The following COG6 variants were observed in gnomAD, a reference collection of about 807,000 sequenced individuals.
The protein encoded by COG6 is conserved oligomeric Golgi complex subunit 6.
In COG6, 74 loss-of-function variants were observed where a neutral mutation model predicts 88.8. That is an observed-to-expected ratio of 0.83 (90% CI 0.69 to 1.01). The LOEUF is 1.01. COG6 is among the 50% of genes least tolerant of loss of function. The pLI, the probability that COG6 is intolerant of heterozygous loss-of-function variation, is 0.00. For synonymous variants in COG6, 286 were observed against 278.7 expected (o/e 1.03, Z -0.26); for missense variants, 800 against 797.9 (o/e 1.00, Z -0.03).
chr13:39,741,293 T>G (rs1880029650), intron 18 of COG6, among the ~76,000 whole-genome samples: 1 of 151,296 alleles, frequency 6.6e-6, no homozygotes, highest in African/African-American at 2.5e-5. Flanking sequence ...AGAAAGTCGA[T>G]AATAACAAAC....
In COG6 at chr13:39,752,504, T is replaced by TG; in HGVS notation, c.*1411_*1412insG. On this transcript the variant is annotated 3_prime_UTR_variant, in exon 19 of 19. Coordinates refer to ENST00000455146, the MANE Select transcript of COG6 (RefSeq NM_020751.3). ...ATAAAGTATAAATCAAGAGCTTAAA[T>TG]TGTATATAATTTATTTCTACAGAGA... 8.6e-7 allele frequency: 1 copy of TG among 1,159,354 alleles called. No individual in the cohort carries two copies. Among genetic ancestry groups the TG allele is most frequent in the Middle Eastern group, 3.7e-4 (1 of 2,734 alleles). The allele number at this position is 1,159,354 out of a possible 1,614,324, so 71.8% of individuals were successfully genotyped here.
intron 18 of COG6, among the ~76,000 whole-genome samples, chr13:39,730,549 G>A (rs1329596262): frequency 1.3e-5 from 2 of 151,800 alleles, no homozygotes; most frequent in Admixed American, 6.6e-5. Context: ...GTCGAGGCAG[G>A]CAGATCATGA....
Position 39,660,882 on chromosome 13 carries a change from G to A in COG6, c.369+1G>A. The A allele has an allele frequency of 6.4e-7, 1 of 1,570,102 alleles. No homozygotes were observed. Reference sequence around the variant, plus strand: ...TCAAGATATGACAAGTCGCCTACAGGTATTATATAATGGCTAGATTTTGGC... The same window carrying A: ...TCAAGATATGACAAGTCGCCTACAGATATTATATAATGGCTAGATTTTGGC... On this transcript the variant is annotated splice_donor_variant, in intron 3 of 18. Coordinates refer to ENST00000455146, the MANE Select transcript of COG6 (RefSeq NM_020751.3). LOFTEE classifies it high-confidence loss of function.
chr13:39,761,304 G>T (rs1476999706), intron 18 of COG6, among the ~76,000 whole-genome samples: 1 of 151,848 alleles, frequency 6.6e-6, no homozygotes. Context: ...CTTATTTGTT[G>T]CTGTATATAG....
intron 2 of COG6, among the ~76,000 whole-genome samples, chr13:39,660,252 C>G (rs956532499): frequency 1.3e-5 from 2 of 152,016 alleles, no homozygotes; most frequent in African/African-American, 4.8e-5. Context: ...TGGCTGTTCC[C>G]AGGTATGATC....
At chr13:39,728,923 A>G (rs986476096) in intron 18 of COG6, among the ~76,000 whole-genome samples, 1 of 152,150 alleles carries the variant, frequency 6.6e-6, no homozygotes, top group East Asian at 1.9e-4. Flanking sequence ...TCGGCCTCCC[A>G]AAGTGCTGGG....
intron 3 of COG6, 65 bp from the exon 4 acceptor site, chr13:39,665,031 G>A: frequency 1.3e-6 from 1 of 789,930 alleles, no homozygotes; most frequent in Non-Finnish European, 2.2e-6. Context: ...GTAAGTGGTA[G>A]TATTTGTTTT....
At chr13:39,785,490 C>T (rs954643990) in intron 18 of COG6, 5 of 152,090 alleles carry the variant, frequency 3.3e-5, no homozygotes, top group Non-Finnish European at 1.5e-5. Flanking sequence ...ATTCTGATAA[C>T]CCACTACCAT....
Position 39,670,010 on chromosome 13 carries a change from A to G in COG6, c.428+4856A>G, listed in dbSNP as rs1875522037. ...GTTAAACAAGCAGTTAGCTTTAGAAATAGAAATCTGTTTCTATATGGGATT... is the reference window on the plus strand; with the variant it reads ...GTTAAACAAGCAGTTAGCTTTAGAAGTAGAAATCTGTTTCTATATGGGATT... On this transcript the variant is annotated intron_variant, in intron 4 of 18. Coordinates refer to ENST00000455146, the MANE Select transcript of COG6 (RefSeq NM_020751.3). Among the ~76,000 whole-genome samples, 5 of 152,346 alleles carry G rather than the reference A, an allele frequency of 3.3e-5. No homozygotes were observed. The South Asian group carries it at 1.0e-3, about 32-fold the overall frequency.
At chr13:39,658,126 G>A (rs1874645745) in intron 1 of COG6, among the ~76,000 whole-genome samples, 1 of 142,274 alleles carries the variant, frequency 7.0e-6, no homozygotes, top group Admixed American at 7.0e-5. Context: ...GTTCTACTTT[G>A]AAGAATATTT....
At chr13:39,680,172 A>G (rs1328753770) in intron 7 of COG6, 127 bp downstream of exon 7, 5 of 625,196 alleles carry the variant, frequency 8.0e-6, no homozygotes, top group South Asian at 2.1e-5. Flanking sequence ...TAAAAATAGT[A>G]TTTGTATTTG....
chr13:39,698,878 A>G (rs556253175), intron 12 of COG6, among the ~76,000 whole-genome samples: 31 of 151,916 alleles, frequency 2.0e-4, no homozygotes, highest in African/African-American at 7.0e-4. Flanking sequence ...CAAAAATGGG[A>G]AACCTCCTTG....
chr13:39,763,141 CAT>C (rs1318616818), intron 18 of COG6, among the ~76,000 whole-genome samples: 2 of 151,690 alleles, frequency 1.3e-5, no homozygotes, highest in African/African-American at 4.8e-5. Flanking sequence ...CTAAGTTGAT[CAT>C]ATTATTTTCC....
chr13:39,774,624 G>A (rs950158618), intron 18 of COG6, among the ~76,000 whole-genome samples: 1 of 151,686 alleles, frequency 6.6e-6, no homozygotes, highest in Non-Finnish European at 1.5e-5. Context: ...ACGCAGGCTG[G>A]AGTGCAGTGG....
At chr13:39,708,411 T>C (rs1176420481) in intron 13 of COG6, among the ~76,000 whole-genome samples, 2 of 152,222 alleles carry the variant, frequency 1.3e-5, no homozygotes. Flanking sequence ...CAAGCTTTTA[T>C]TTCATGATTA....
At chr13:39,659,250 G>A (rs1342618348) in intron 1 of COG6, 114 bp from the exon 2 acceptor site, 30 of 966,268 alleles carry the variant, frequency 3.1e-5, no homozygotes, top group South Asian at 5.8e-5. Context: ...AATATTTTTC[G>A]GATTGGTTAA....
chr13:39,684,511 A>G (rs1876527038), intron 8 of COG6, among the ~76,000 whole-genome samples: 1 of 151,822 alleles, frequency 6.6e-6, no homozygotes, highest in Non-Finnish European at 1.5e-5. Flanking sequence ...CGGCCTCCCA[A>G]AGTGCTGGGA....
Position 39,655,742 on chromosome 13 carries a change from G to A in COG6, c.16G>A (p.Gly6Arg), listed in dbSNP as rs751060043. ...GCGCAGCGCTATGGCAGAGGGCAGCGGGGAAGTGGTCGCAGTGTCTGCGAC... is the reference window on the plus strand; with the variant it reads ...GCGCAGCGCTATGGCAGAGGGCAGCAGGGAAGTGGTCGCAGTGTCTGCGAC... MAEGS[G>R]EVVAVSATGA... The change falls in exon 1 of 19, where the codon GGG (glycine) becomes AGG (arginine). Residue 6 changes from glycine (G) to arginine (R), a missense_variant. By Grantham distance (125) the Gly-to-Arg change is moderately radical. Transcript: ENST00000455146. 1.1e-5 allele frequency: 18 copies of A among 1,595,524 alleles called. No individual in the cohort carries two copies. In the Admixed American group the frequency reaches 1.9e-4, roughly 17 times the overall value.
chr13:39,763,642 G>A (rs552962284), intron 18 of COG6, among the ~76,000 whole-genome samples: 218 of 151,898 alleles, frequency 1.4e-3, no homozygotes, highest in African/African-American at 4.7e-3. Context: ...TGTTGGGAAT[G>A]TGGTTGGGAT....
Sources: gnomAD v4.1 joint callset for allele counts (sites outside exome capture counted in the v4.1 genomes callset) on GRCh38, gnomAD v4.1.1 for gene constraint, MANE v1.5 for transcripts, NCBI Gene and HGNC (gene_info 2026-07-23, HGNC 2026-07-21) for gene names.